The following IHO1 variants were observed in gnomAD, a reference collection of about 807,000 sequenced individuals.
The protein encoded by IHO1 is interactor of HORMAD1 protein 1.
In IHO1, 13 loss-of-function variants were observed where a neutral mutation model predicts 31.0. That is an observed-to-expected ratio of 0.42 (90% confidence interval 0.27 to 0.67). IHO1 has a LOEUF of 0.67. Ranked by LOEUF, IHO1 falls within the 30% of genes least tolerant of loss-of-function variation. IHO1 has a pLI of 0.24. For missense variants in IHO1, 599 were observed against 687.5 expected, an observed-to-expected ratio of 0.87 and a Z score of 1.44; for synonymous variants, 221 against 248.4, an observed-to-expected ratio of 0.89 and a Z score of 1.04.
At chr3:49,208,309 G>A (rs975193910) in intron 1 of IHO1, among the ~76,000 whole-genome samples, 7 of 152,204 alleles carry the variant, frequency 4.6e-5, no homozygotes, top group African/African-American at 1.4e-4. Flanking sequence ...AGGCCACACA[G>A]CAGGAGGTGA....
At chr3:49,231,326 C>G (rs992971819) in intron 2 of IHO1, among the ~76,000 whole-genome samples, 1 of 152,178 alleles carries the variant, frequency 6.6e-6, no homozygotes, top group African/African-American at 2.4e-5. Flanking sequence ...AAAACTGTTT[C>G]CATTTTTGAA....
chr3:49,223,402 C>G (rs1373231039), intron 2 of IHO1, among the ~76,000 whole-genome samples: 1 of 152,168 alleles, frequency 6.6e-6, no homozygotes, highest in Non-Finnish European at 1.5e-5. Context: ...CTTTAAAAGC[C>G]TGACCATTGG....
At chr3:49,214,115 G>A (rs898569893) in intron 2 of IHO1, 1 of 173,702 alleles carries the variant, frequency 5.8e-6, no homozygotes, top group Non-Finnish European at 1.3e-5. Flanking sequence ...TGTTAACTGA[G>A]GAATGACTTT....
In IHO1 at chr3:49,241,362, A is replaced by AG. The variant is rs1302362988; in HGVS notation, c.369dup (p.Lys124GlufsTer8). 6.2e-7 allele frequency: 1 copy of AG among 1,611,144 alleles called. No homozygotes were observed. ...CTCTTGGAACAGTTTGAGGAGAAAAAGAAAAGGGCAAAAGACAAATGTGAC... is the reference window on the plus strand; with the variant it reads ...CTCTTGGAACAGTTTGAGGAGAAAAAGGAAAAGGGCAAAAGACAAATGTGAC... On this transcript the variant is annotated frameshift_variant, in exon 4 of 8. Transcript: ENST00000452691. LOFTEE classifies it high-confidence loss of function.
In IHO1 at chr3:49,244,654, G is replaced by A. The variant is rs145680935; in HGVS notation, c.453G>A (p.Thr151=). The A allele has an allele frequency of 1.1e-5, 18 of 1,612,478 alleles. No individual in the cohort carries two copies. The Admixed American group carries it at 1.3e-4, about 12-fold the overall frequency. The change falls in exon 6 of 8, where the codon ACG becomes ACA. Residue 151 remains threonine (T), a synonymous_variant. Coordinates refer to ENST00000452691, the MANE Select transcript of IHO1 (RefSeq NM_001135197.2). ...AATTTTGGGTTTCTTAGTTGCAGACGTCTGTGGAAAAGTCTGAGGACCATC... is the reference window on the plus strand; with the variant it reads ...AATTTTGGGTTTCTTAGTTGCAGACATCTGTGGAAAAGTCTGAGGACCATC... ...NVRESILRLQ[T]SVEKSEDHLS... is the part of the protein sequence containing the mutation.
At chr3:49,241,410 G>C in intron 4 of IHO1, 21 bp downstream of exon 4, 1 of 1,574,204 alleles carries the variant, frequency 6.4e-7, no homozygotes, top group Admixed American at 2.0e-5. Context: ...CTTTCAAATG[G>C]ATGAAAGAAC....
chr3:49,214,607 C>CATATATATATATAT (rs1311032715), intron 2 of IHO1, among the ~76,000 whole-genome samples: 55 of 24,754 alleles, frequency 2.2e-3, no homozygotes, highest in South Asian at 4.0e-3. Context: ...ATTTCTAGAT[C>CATATATATATATAT]ATATATATAT....
In IHO1 at chr3:49,220,296, T is replaced by C. The variant is rs146273897; in HGVS notation, c.56+8460T>C. 6.0e-3 allele frequency among the ~76,000 whole-genome samples: 908 copies of C among 152,336 alleles called. 9 individuals are homozygous for C. Among genetic ancestry groups the C allele is most frequent in the African/African-American group, 0.02 (848 of 41,576 alleles). ...TTCCGGCTCAGGCAATTCCCTCATC[T>C]GTGTACAATGCCTGTCCCCCACCAC... On this transcript the variant is annotated intron_variant, in intron 2 of 7. Transcript: ENST00000452691.
At position 49,211,848 on chromosome 3, in the gene IHO1, G is replaced by C; in HGVS notation, c.56+12G>C. 1 of 1,487,000 alleles carries C rather than the reference G, an allele frequency of 6.7e-7. No individual in the cohort carries two copies. The highest frequency in any genetic ancestry group is 9.4e-7 in the Non-Finnish European group (1 of 1,064,770). 92.1% of individuals were successfully genotyped at this position (1,487,000 alleles called of 1,614,324 possible). A position where few individuals can be genotyped will look rare whatever the true frequency, so the allele number is the denominator to read the frequency against. ...CCTTCAGGCTCTGGGTAAGTTTTCTGGTTATATTGTCTGATCCTTAAGAGG... is the reference window on the plus strand; with the variant it reads ...CCTTCAGGCTCTGGGTAAGTTTTCTCGTTATATTGTCTGATCCTTAAGAGG... On this transcript the variant is annotated intron_variant, in intron 2 of 7. Transcript: ENST00000452691.
At chr3:49,244,616 T>A (rs765215919) in intron 5 of IHO1, 30 bp from the exon 6 acceptor site, 1 of 1,575,710 alleles carries the variant, frequency 6.3e-7, no homozygotes, top group South Asian at 1.1e-5. Context: ...CAATAGCCTG[T>A]GAATTATTTC....
At chr3:49,239,915 C>T (rs994870328) in intron 3 of IHO1, among the ~76,000 whole-genome samples, 6 of 152,194 alleles carry the variant, frequency 3.9e-5, no homozygotes, top group Non-Finnish European at 8.8e-5. Flanking sequence ...CCCACTTCGG[C>T]CTCCCAAAGT....
chr3:49,257,989 G>A lies in IHO1; in HGVS notation c.*707G>A, dbSNP rs558724445. ...ATAATATTGTAGACCTTGTATTTCT[G>A]AAGAGCAGTGGGCTTATATGGGACT... is the stretch of plus-strand genomic sequence containing the variant. On this transcript the variant is annotated 3_prime_UTR_variant, in exon 8 of 8. Transcript: ENST00000452691. The A allele has an allele frequency of 3.3e-5, 5 of 152,270 alleles. No individual in the cohort carries two copies. The highest frequency in any genetic ancestry group is 1.2e-4 in the African/African-American group (5 of 41,564). 9.4% of individuals were successfully genotyped at this position (152,270 alleles called of 1,614,324 possible). A position where few individuals can be genotyped will look rare whatever the true frequency, so the allele number is the denominator to read the frequency against.
At chr3:49,254,493 A>G (rs1253502593) in intron 6 of IHO1, among the ~76,000 whole-genome samples, 1 of 151,470 alleles carries the variant, frequency 6.6e-6, no homozygotes, top group Non-Finnish European at 1.5e-5. Context: ...CCGAGTGGAA[A>G]TGGTATTTTC....
At chr3:49,245,754 C>A (rs1377671228) in intron 6 of IHO1, 2 of 152,166 alleles carry the variant, frequency 1.3e-5, no homozygotes, top group Non-Finnish European at 2.9e-5. Flanking sequence ...ATGGGGTGGA[C>A]TGCTCATAAT....
At chr3:49,222,570 C>T (rs996750291) in intron 2 of IHO1, among the ~76,000 whole-genome samples, 41 of 152,002 alleles carry the variant, frequency 2.7e-4, no homozygotes, top group Admixed American at 7.9e-4. Flanking sequence ...GTAGTCCTAT[C>T]GTAAAGAGTA....
intron 6 of IHO1, among the ~76,000 whole-genome samples, chr3:49,248,104 G>A (rs1458024319): frequency 2.2e-5 from 3 of 138,050 alleles, no homozygotes; most frequent in Non-Finnish European, 4.6e-5. Flanking sequence ...CAGCCTGGAC[G>A]ATAGAGTGAG....
chr3:49,253,931 T>C lies in IHO1; in HGVS notation c.533-1459T>C, dbSNP rs145555233. Among the ~76,000 whole-genome samples the C allele has an allele frequency of 4.6e-3, 695 of 149,852 alleles. 4 individuals carry two copies. The highest frequency in any genetic ancestry group is 0.016 in the African/African-American group (664 of 40,678). On this transcript the variant is annotated intron_variant, in intron 6 of 7. Coordinates refer to ENST00000452691, the MANE Select transcript of IHO1 (RefSeq NM_001135197.2). ...TCACTGCAACCTCTACCTCCCAGGT[T>C]CAAGCAATTCTCATGCCTCAGCCAA...
the IHO1 span, chr3:49,191,559 G>A: frequency 2.4e-5 from 17 of 712,862 alleles, no homozygotes; most frequent in African/African-American, 2.8e-4. Flanking sequence ...AGGGGGCAAA[G>A]TGTTAGGAAG....
intron 2 of IHO1, among the ~76,000 whole-genome samples, chr3:49,220,824 C>T (rs1308022757): frequency 2.6e-5 from 4 of 152,092 alleles, no homozygotes; most frequent in South Asian, 2.1e-4. Context: ...GCTGAGATAG[C>T]GCCACTGTAC....
Sources: allele counts gnomAD v4.1 joint callset (sites outside exome capture counted in the v4.1 genomes callset), GRCh38; gene constraint gnomAD v4.1.1; transcripts MANE v1.5; gene names NCBI Gene and HGNC (gene_info 2026-07-23, HGNC 2026-07-21).